Variants in SLCO1A2 observed in about 807,000 individuals in gnomAD.
SLCO1A2 encodes OATP-1.
Under a neutral mutation model 69.0 loss-of-function variants are expected in SLCO1A2, and 67 were observed. That is an observed-to-expected ratio of 0.97 (90% CI 0.80 to 1.19). SLCO1A2 has a LOEUF of 1.19. SLCO1A2 is among the 50% of genes most tolerant of loss of function. The pLI is 0.00. For missense variants in SLCO1A2, 787 were observed against 793.7 expected (o/e 0.99, Z 0.10); for synonymous variants, 260 against 265.9 (o/e 0.98, Z 0.22).
chr12:21,342,005 A>G (rs1339722547), intron 2 of SLCO1A2, among the ~76,000 whole-genome samples: 3 of 152,006 alleles, frequency 2.0e-5, no homozygotes, highest in African/African-American at 7.2e-5. Flanking sequence ...TCCCTTTGCC[A>G]CTCAGCTGAA....
chr12:21,378,536 T>C (rs545862145), intron 1 of SLCO1A2: 2 of 920,030 alleles, frequency 2.2e-6, no homozygotes, highest in Non-Finnish European at 3.5e-6. Flanking sequence ...TGTCTGATGT[T>C]TGTTGCTAGG....
At chr12:21,411,082 C>T (rs560411199) in intron 1 of SLCO1A2, among the ~76,000 whole-genome samples, 1 of 151,982 alleles carries the variant, frequency 6.6e-6, no homozygotes, top group East Asian at 1.9e-4. Context: ...CTTGCTTTTT[C>T]AGTAGCCATC....
chr12:21,270,020 A>G (rs1565458330), intron 14 of SLCO1A2, among the ~76,000 whole-genome samples: 1 of 151,260 alleles, frequency 6.6e-6, no homozygotes, highest in Non-Finnish European at 1.5e-5. Flanking sequence ...TATTGTTGTT[A>G]TAACTAACTA....
chr12:21,344,745 A>T (rs1200729958), intron 2 of SLCO1A2, among the ~76,000 whole-genome samples: 2 of 152,106 alleles, frequency 1.3e-5, no homozygotes, highest in African/African-American at 2.4e-5. Context: ...AATGTTAACA[A>T]TGCATTTGAT....
At chr12:21,395,956 A>C (rs911508373), upstream of SLCO1A2, among the ~76,000 whole-genome samples, 5 of 150,788 alleles carry the variant, frequency 3.3e-5, no homozygotes, top group Admixed American at 6.6e-5. Context: ...AACTCTAAAA[A>C]GCAGAGCGCC....
At chr12:21,368,444 G>C (rs1304645556) in intron 2 of SLCO1A2, among the ~76,000 whole-genome samples, 1 of 150,186 alleles carries the variant, frequency 6.7e-6, no homozygotes, top group Non-Finnish European at 1.5e-5. Flanking sequence ...ATCTTGTTTA[G>C]ATCCTGAATC....
chr12:21,270,579 T>C (rs748846396), intron 14 of SLCO1A2, among the ~76,000 whole-genome samples: 4 of 151,756 alleles, frequency 2.6e-5, no homozygotes, highest in Non-Finnish European at 4.4e-5. Flanking sequence ...CATTGGTTCA[T>C]TGTAGGTTTT....
chr12:21,379,080 A>C (rs966320341), intron 1 of SLCO1A2: 1 of 152,258 alleles, frequency 6.6e-6, no homozygotes, highest in Admixed American at 6.5e-5. Flanking sequence ...TCTCAAAAAA[A>C]AGAAAGAAAA....
At chr12:21,391,264 T>C (rs1256806670) in intron 1 of SLCO1A2, among the ~76,000 whole-genome samples, 1 of 152,118 alleles carries the variant, frequency 6.6e-6, no homozygotes, top group Non-Finnish European at 1.5e-5. Context: ...AAAATACCCA[T>C]TTATAGAGGA....
intron 12 of SLCO1A2, among the ~76,000 whole-genome samples, chr12:21,283,336 A>G (rs1002737708): frequency 1.3e-5 from 2 of 152,176 alleles, no homozygotes; most frequent in African/African-American, 4.8e-5. Context: ...AGTCTCTTCA[A>G]TAAATGGTGC....
At chr12:21,322,465 A>T (rs1181796365) in intron 2 of SLCO1A2, among the ~76,000 whole-genome samples, 1 of 152,342 alleles carries the variant, frequency 6.6e-6, no homozygotes. Context: ...GAAGGGCAGG[A>T]CAACCCGAAG....
At chr12:21,305,747 A>G (rs945248409) in intron 5 of SLCO1A2, among the ~76,000 whole-genome samples, 1 of 152,172 alleles carries the variant, frequency 6.6e-6, no homozygotes, top group Non-Finnish European at 1.5e-5. Context: ...TGTTTCCCCC[A>G]TGGGGGTTCT....
intron 12 of SLCO1A2, among the ~76,000 whole-genome samples, chr12:21,276,449 A>G (rs1374226164): frequency 6.6e-6 from 1 of 151,498 alleles, no homozygotes; most frequent in Non-Finnish European, 1.5e-5. Flanking sequence ...AAATAGTGCA[A>G]TAATTTATAA....
chr12:21,309,760 A>C (rs1267109008), intron 4 of SLCO1A2, among the ~76,000 whole-genome samples: 1 of 152,216 alleles, frequency 6.6e-6, no homozygotes, highest in Non-Finnish European at 1.5e-5. Flanking sequence ...GAATAACTGA[A>C]TGTATGAAAC....
rs529488824 is a variant in SLCO1A2 at position 21,269,596 on chromosome 12, G to A, written c.1965C>T (p.Tyr655=). ...KGKENECKDI[Y]QKSTVLKDDE... is the part of the protein sequence containing the mutation. ...CATCTTTCAAAACCGTGGACTTTTG[G>A]TATATATCTTTGCACTCATTTTCCT... is the stretch of plus-strand genomic sequence containing the variant. Residue 655 remains tyrosine, a synonymous_variant, in exon 15 of 15, where the codon TAC becomes TAT. Coordinates refer to ENST00000683939, the MANE Select transcript of SLCO1A2 (RefSeq NM_001386879.1). The A allele has an allele frequency of 2.5e-6, 4 of 1,612,078 alleles. No individual in the cohort carries two copies. The South Asian group carries it at 4.4e-5, about 18-fold the overall frequency.
chr12:21,364,086 C>G (rs1396703613), intron 2 of SLCO1A2, among the ~76,000 whole-genome samples: 1 of 152,038 alleles, frequency 6.6e-6, no homozygotes, highest in Non-Finnish European at 1.5e-5. Flanking sequence ...CTGGCAGAAA[C>G]ACAACAAAAA....
intron 12 of SLCO1A2, among the ~76,000 whole-genome samples, chr12:21,280,678 CAA>C (rs71444113): frequency 7.7e-6 from 1 of 129,350 alleles, no homozygotes. Flanking sequence ...TCTTCCAGAC[CAA>C]AAAAAAAAAT....
At chr12:21,398,959 T>G (rs1224480434), upstream of SLCO1A2, among the ~76,000 whole-genome samples, 3 of 150,666 alleles carry the variant, frequency 2.0e-5, no homozygotes, top group Non-Finnish European at 4.4e-5. Context: ...CTTTGAAAAC[T>G]GGCACAAGAC....
Position 21,304,592 on chromosome 12 carries a change from A to C in SLCO1A2, c.443-19T>G. ...GTACACTCTGCATTAAAAAAAAAAG[A>C]CATGACATTAGTGCTTTGACGATAA... On this transcript the variant is annotated intron_variant, in intron 5 of 14. Coordinates refer to ENST00000683939, the MANE Select transcript of SLCO1A2 (RefSeq NM_001386879.1). 1 of 1,575,314 alleles carries C rather than the reference A, an allele frequency of 6.3e-7. No individual in the cohort carries two copies. Among genetic ancestry groups the C allele is most frequent in the Non-Finnish European group, 8.6e-7 (1 of 1,160,038 alleles).
Sources: allele counts gnomAD v4.1 joint callset (sites outside exome capture counted in the v4.1 genomes callset), GRCh38; gene constraint gnomAD v4.1.1; transcripts MANE v1.5; gene names NCBI Gene and HGNC (gene_info 2026-07-23, HGNC 2026-07-21).